Variants in GSE1 observed in about 807,000 individuals in gnomAD.
GSE1 encodes genetic suppressor element 1.
In GSE1, 32 loss-of-function variants were observed where a neutral mutation model predicts 112.6. That is an observed-to-expected ratio of 0.28 (90% CI 0.21 to 0.38). GSE1 has a LOEUF of 0.38. Ranked by LOEUF, GSE1 falls within the 10% of genes least tolerant of loss-of-function variation. The pLI, the probability that GSE1 is intolerant of heterozygous loss-of-function variation, is 1.00. For missense variants in GSE1, 2,348 were observed against 1,699.2 expected, an observed-to-expected ratio of 1.38 and a Z score of -6.71; for synonymous variants, 1,115 against 735.6, an observed-to-expected ratio of 1.52 and a Z score of -8.35.
intron 1 of GSE1, chr16:85,594,886 G>A (rs1384524646): frequency 6.6e-6 from 1 of 152,460 alleles, no homozygotes. Flanking sequence ...AGGCCCACGA[G>A]GCTGTGCTGA....
intron 1 of GSE1, among the ~76,000 whole-genome samples, chr16:85,565,565 C>T (rs970119744): frequency 2.6e-5 from 4 of 152,258 alleles, no homozygotes; most frequent in Admixed American, 6.5e-5. Context: ...AAGGGTCCCT[C>T]GAGGGAAGCT....
rs142441212 is a variant in GSE1, at chr16:85,202,429, G to A, written c.2283+30622G>A. On this transcript the variant is annotated intron_variant, in intron 1 of 2. Transcript: ENST00000637419. The stretch of plus-strand genomic sequence containing the variant: ...GGCTTGGCTGGGAGAGAGCGGGGGT[G>A]GGGCCCACAGGACATTTTTTTGTAG... Among the ~76,000 whole-genome samples, 422 of 152,346 alleles carry A rather than the reference G, an allele frequency of 2.8e-3. 6 individuals are homozygous for A. Among genetic ancestry groups the A allele is most frequent in the East Asian group, 0.022 (115 of 5,184 alleles).
intron 1 of GSE1, among the ~76,000 whole-genome samples, chr16:85,334,698 C>T (rs371216182): frequency 4.5e-4 from 68 of 152,322 alleles, no homozygotes; most frequent in African/African-American, 1.6e-3. Context: ...TGTGGGGGCT[C>T]AAGACCCACC....
intron 1 of GSE1, among the ~76,000 whole-genome samples, chr16:85,183,371 C>T (rs897266008): frequency 6.6e-5 from 10 of 152,326 alleles, no homozygotes; most frequent in Middle Eastern, 3.4e-3. Flanking sequence ...CACAACTTGG[C>T]ACAGACTCTG....
intron 2 of GSE1, among the ~76,000 whole-genome samples, chr16:85,423,667 G>A (rs1016816984): frequency 6.6e-6 from 1 of 152,126 alleles, no homozygotes; most frequent in Non-Finnish European, 1.5e-5. Flanking sequence ...GTGGCCTGGT[G>A]TCCAGAGTGG....
At chr16:85,204,428 T>C (rs1322960587) in intron 1 of GSE1, among the ~76,000 whole-genome samples, 2 of 152,194 alleles carry the variant, frequency 1.3e-5, no homozygotes, top group Non-Finnish European at 2.9e-5. Context: ...AGTACAAGTT[T>C]TTGTGTGGAT....
intron 2 of GSE1, among the ~76,000 whole-genome samples, chr16:85,390,641 G>A (rs572049634): frequency 6.6e-6 from 1 of 152,156 alleles, no homozygotes; most frequent in African/African-American, 2.4e-5. Flanking sequence ...ATTTTAAATG[G>A]GGTGAGCTTG....
At chr16:85,577,172 C>T (rs934043306) in intron 1 of GSE1, among the ~76,000 whole-genome samples, 4 of 152,150 alleles carry the variant, frequency 2.6e-5, no homozygotes, top group Admixed American at 2.0e-4. Context: ...CCTGGGCACC[C>T]GGCCAGGGGC....
chr16:85,255,558 C>A (rs567783177), intron 1 of GSE1, among the ~76,000 whole-genome samples: 27 of 151,910 alleles, frequency 1.8e-4, no homozygotes, highest in African/African-American at 6.3e-4. Context: ...ATTACAGGCG[C>A]CCACCACCAC....
chr16:85,463,044 T>C, intron 2 of GSE1: 1 of 971,228 alleles, frequency 1.0e-6, no homozygotes. Flanking sequence ...CAGCCCCTCC[T>C]AGAGGCCCCG....
At position 85,656,506 on chromosome 16, in the gene GSE1, C is replaced by T. The variant is rs910047452; in HGVS notation, c.1153C>T (p.Leu385=). 1 of 1,547,646 alleles carries T rather than the reference C, an allele frequency of 6.5e-7. No individual in the cohort carries two copies. Among genetic ancestry groups the T allele is most frequent in the African/African-American group, 1.4e-5 (1 of 72,880 alleles). Residue 385 remains leucine, a synonymous_variant, in exon 7 of 16, where the codon CTG becomes TTG. Transcript: ENST00000253458. ...REREKERERE[L]ERQREQRARE... is the part of the protein sequence containing the mutation. Reference sequence around the variant, plus strand: ...GCGTGAGAAGGAGCGCGAGCGCGAGCTGGAGCGCCAGCGGGAGCAGCGGGC... The same window carrying T: ...GCGTGAGAAGGAGCGCGAGCGCGAGTTGGAGCGCCAGCGGGAGCAGCGGGC...
chr16:85,277,100 G>A (rs1242484922), intron 1 of GSE1, among the ~76,000 whole-genome samples: 1 of 152,186 alleles, frequency 6.6e-6, no homozygotes, highest in Non-Finnish European at 1.5e-5. Context: ...AGCTGGGGGA[G>A]GGGTGTAGGG....
chr16:85,341,237 A>T (rs1468012247), intron 1 of GSE1, among the ~76,000 whole-genome samples: 2 of 151,474 alleles, frequency 1.3e-5, no homozygotes, highest in Non-Finnish European at 2.9e-5. Flanking sequence ...TTCTGTCTTC[A>T]GGTTAGAGTG....
intron 2 of GSE1, among the ~76,000 whole-genome samples, chr16:85,532,264 ATT>A (rs2044162914): frequency 6.6e-6 from 1 of 152,022 alleles, no homozygotes; most frequent in African/African-American, 2.4e-5. Flanking sequence ...AGCTGGGATC[ATT>A]TTGTTTGTTT....
At chr16:85,330,173 C>A (rs983144274) in intron 1 of GSE1, among the ~76,000 whole-genome samples, 4 of 152,202 alleles carry the variant, frequency 2.6e-5, no homozygotes, top group Non-Finnish European at 5.9e-5. Context: ...GATCCCCTCA[C>A]CAAAGAGGCT....
At chr16:85,389,884 G>T (rs900215383) in intron 2 of GSE1, among the ~76,000 whole-genome samples, 7 of 152,224 alleles carry the variant, frequency 4.6e-5, no homozygotes, top group Admixed American at 4.6e-4. Flanking sequence ...TGGCAGGTGG[G>T]CCCACGCTTA....
chr16:85,648,495 C>A, intron 2 of GSE1, 57 bp from the exon 3 acceptor site: 1 of 869,644 alleles, frequency 1.1e-6, no homozygotes, highest in Non-Finnish European at 1.8e-6. Flanking sequence ...CCCCAGCTGG[C>A]ACTGCACGTG....
chr16:85,660,611 C>T (rs1161122304), intron 8 of GSE1, among the ~76,000 whole-genome samples: 1 of 152,092 alleles, frequency 6.6e-6, no homozygotes, highest in Non-Finnish European at 1.5e-5. Context: ...TGCACTCCTG[C>T]CTGGGTGACA....
intron 2 of GSE1, among the ~76,000 whole-genome samples, chr16:85,533,749 C>T (rs1222698319): frequency 6.6e-6 from 1 of 151,980 alleles, no homozygotes; most frequent in Admixed American, 6.6e-5. Flanking sequence ...CCTGTGATCC[C>T]AGCTACTTGG....
Sources: allele counts gnomAD v4.1 joint callset (sites outside exome capture counted in the v4.1 genomes callset), GRCh38; gene constraint gnomAD v4.1.1; transcripts MANE v1.5; gene names NCBI Gene and HGNC (gene_info 2026-07-23, HGNC 2026-07-21).